The following RBM33 variants were observed in gnomAD, a reference collection of about 807,000 sequenced individuals.
RBM33 encodes RNA binding motif protein 33, also known as RNA-binding protein 33.
In RBM33, 28 loss-of-function variants were observed where a neutral mutation model predicts 132.6. That is an observed-to-expected ratio of 0.21 (90% confidence interval 0.16 to 0.29). The LOEUF is 0.29. Ranked by LOEUF, RBM33 falls within the 10% of genes least tolerant of loss-of-function variation. RBM33 has a pLI of 1.00. For missense variants in RBM33, 1,291 were observed against 1,518.5 expected, an observed-to-expected ratio of 0.85 and a Z score of 2.49; for synonymous variants, 634 against 593.0, an observed-to-expected ratio of 1.07 and a Z score of -1.01.
intron 1 of RBM33, chr7:155,645,193 G>T: frequency 2.7e-6 from 1 of 376,978 alleles, no homozygotes; most frequent in East Asian, 4.2e-5. Flanking sequence ...CATCTCTGGC[G>T]TTGGCGGGCA....
rs372960602 is a variant in RBM33 at position 155,741,955 on chromosome 7, C to T, written c.2186C>T (p.Thr729Met). The stretch of plus-strand genomic sequence containing the variant: ...ATGAGCAGCAGCCGCTGCTCTGCCA[C>T]GCCCTCAGCACAAGTGAAACCTATC... ...IEMSSSRCSA[T>M]PSAQVKPIVS... Residue 729 changes from threonine to methionine, a missense_variant, in exon 13 of 18, where the codon ACG (threonine) becomes ATG (methionine). Thr to Met is a moderately conservative substitution (Grantham distance 81, BLOSUM62 -1). Coordinates refer to ENST00000401878, the MANE Select transcript of RBM33 (RefSeq NM_053043.3). 54 of 1,613,924 alleles carry T rather than the reference C, an allele frequency of 3.3e-5. No individual in the cohort carries two copies. Among genetic ancestry groups the T allele is most frequent in the East Asian group, 4.5e-5 (2 of 44,898 alleles).
At chr7:155,675,324 G>C (rs963553887) in intron 3 of RBM33, among the ~76,000 whole-genome samples, 6 of 148,850 alleles carry the variant, frequency 4.0e-5, no homozygotes, top group African/African-American at 1.5e-4. Flanking sequence ...AAGAATTATA[G>C]ATATAAAACG....
In RBM33 at chr7:155,775,291, C is replaced by A; in HGVS notation, c.*250C>A. The A allele has an allele frequency of 1.6e-6, 1 of 614,364 alleles. No homozygotes were observed. Among genetic ancestry groups the A allele is most frequent in the Non-Finnish European group, 2.9e-6 (1 of 340,218 alleles). The allele number at this position is 614,364 out of a possible 1,614,324, so 38.1% of individuals were successfully genotyped here. The stretch of plus-strand genomic sequence containing the variant: ...TCACCACCAAGAACTCCAAGTTTTT[C>A]GTTTTGTTTTGTTTTCAAAGTGCTT... On this transcript the variant is annotated 3_prime_UTR_variant, in exon 18 of 18. Transcript: ENST00000401878.
rs1211233159 is a variant in RBM33 at position 155,644,722 on chromosome 7, C to A, written c.-155C>A. 6 of 533,874 alleles carry A rather than the reference C, an allele frequency of 1.1e-5. No individual in the cohort carries two copies. Among genetic ancestry groups the A allele is most frequent in the African/African-American group, 6.0e-5 (3 of 49,816 alleles). The allele number at this position is 533,874 out of a possible 1,614,324, so 33.1% of individuals were successfully genotyped here. On this transcript the variant is annotated 5_prime_UTR_variant, in exon 1 of 18. Coordinates refer to ENST00000401878, the MANE Select transcript of RBM33 (RefSeq NM_053043.3). ...GTTTTCTTCCTGCGGAGGCGAAGGG[C>A]CAGCTGTGGACCGCGAAGCGCCCGG...
intron 9 of RBM33, among the ~76,000 whole-genome samples, chr7:155,726,405 A>T (rs906175191): frequency 3.3e-5 from 5 of 151,674 alleles, no homozygotes; most frequent in African/African-American, 1.2e-4. Context: ...CTTGAATAGG[A>T]TTAATATAGA....
At chr7:155,727,207 AAGG>A (rs1170171787) in intron 9 of RBM33, among the ~76,000 whole-genome samples, 2 of 152,180 alleles carry the variant, frequency 1.3e-5, no homozygotes, top group Non-Finnish European at 2.9e-5. Flanking sequence ...TCCAGGCCGA[AAGG>A]AGGAGGGGCA....
chr7:155,781,023 T>C lies in RBM33; in HGVS notation c.*5982T>C, dbSNP rs2117099001. On this transcript the variant is annotated 3_prime_UTR_variant, in exon 18 of 18. Transcript: ENST00000401878. ...CTCTTGTGCTTGAGTTCAGTGTTAG[T>C]GGTAGCGTGGCTCACTCCACTTGGA... is the stretch of plus-strand genomic sequence containing the variant. 6.5e-6 allele frequency: 1 copy of C among 152,948 alleles called. No homozygotes were observed. Among genetic ancestry groups the C allele is most frequent in the South Asian group, 2.1e-4 (1 of 4,830 alleles). The allele number at this position is 152,948 out of a possible 1,614,324, so 9.5% of individuals were successfully genotyped here.
intron 7 of RBM33, among the ~76,000 whole-genome samples, chr7:155,708,678 A>C (rs1414219198): frequency 6.6e-6 from 1 of 152,212 alleles, no homozygotes; most frequent in Non-Finnish European, 1.5e-5. Flanking sequence ...CCTACTGTGT[A>C]CTAGGAGTAA....
chr7:155,686,527 C>T (rs1450916933), intron 5 of RBM33, among the ~76,000 whole-genome samples: 5 of 151,160 alleles, frequency 3.3e-5, no homozygotes, highest in Non-Finnish European at 5.9e-5. Context: ...ATGTGCATAA[C>T]GTGCGGGTTT....
intron 14 of RBM33, among the ~76,000 whole-genome samples, chr7:155,758,556 T>TC (rs1388713352): frequency 6.6e-6 from 1 of 152,168 alleles, no homozygotes; most frequent in Non-Finnish European, 1.5e-5. Flanking sequence ...TGCCTGCTGC[T>TC]CACCTCCTGC....
intron 14 of RBM33, among the ~76,000 whole-genome samples, chr7:155,752,833 C>G (rs1801727895): frequency 6.6e-6 from 1 of 152,132 alleles, no homozygotes; most frequent in African/African-American, 2.4e-5. Context: ...TGGGACGCCT[C>G]CCTGGATGGC....
chr7:155,765,707 T>G (rs1418007253), intron 15 of RBM33, among the ~76,000 whole-genome samples: 2 of 152,206 alleles, frequency 1.3e-5, no homozygotes, highest in Non-Finnish European at 1.5e-5. Flanking sequence ...GACTTTCTAA[T>G]CTGGAGAAAG....
intron 14 of RBM33, among the ~76,000 whole-genome samples, chr7:155,760,832 TTG>T (rs1186237979): frequency 1.3e-5 from 2 of 152,160 alleles, no homozygotes; most frequent in Non-Finnish European, 2.9e-5. Flanking sequence ...GTAGAAGACC[TTG>T]TGGAGAAGAT....
intron 9 of RBM33, among the ~76,000 whole-genome samples, chr7:155,723,704 A>G (rs1030448075): frequency 6.6e-6 from 1 of 152,222 alleles, no homozygotes; most frequent in Non-Finnish European, 1.5e-5. Flanking sequence ...GGCTGGGTTC[A>G]AGTCCATGCT....
chr7:155,707,450 A>G (rs1156962612), intron 7 of RBM33: 3 of 371,094 alleles, frequency 8.1e-6, no homozygotes, highest in East Asian at 7.6e-5. Flanking sequence ...TGTTTATTTT[A>G]TAAAAATATC....
At chr7:155,673,965 T>TTTTTTTTTTTTTTTTTTTTTTTTTTTTTC (rs1799102612) in intron 3 of RBM33, among the ~76,000 whole-genome samples, 1 of 130,452 alleles carries the variant, frequency 7.7e-6, no homozygotes. Flanking sequence ...TTTTTTTTTT[T>TTTTTTTTTTTTTTTTTTTTTTTTTTTTTC]TTTTTTTGAG....
Position 155,763,922 on chromosome 7 carries a change from C to G in RBM33, c.3090C>G (p.Gly1030=), listed in dbSNP as rs1185195966. ...GCAAGGTGACGCTGACCAGGGGGGG[C>G]CTCCAGCAGCCCCCACATCTGCCAG... ...PARKVTLTRG[G]LQQPPHLPAG... is the part of the protein sequence containing the mutation. The change falls in exon 15 of 18, where the codon GGC becomes GGG. Residue 1030 remains glycine, a synonymous_variant. Coordinates refer to ENST00000401878, the MANE Select transcript of RBM33 (RefSeq NM_053043.3). 1.2e-6 allele frequency: 2 copies of G among 1,605,256 alleles called. No individual in the cohort carries two copies. The highest frequency in any genetic ancestry group is 1.7e-5 in the Admixed American group (1 of 58,726).
intron 1 of RBM33, among the ~76,000 whole-genome samples, chr7:155,649,832 G>T (rs552019042): frequency 6.6e-6 from 1 of 152,292 alleles, no homozygotes; most frequent in East Asian, 1.9e-4. Flanking sequence ...AAACTCCTGT[G>T]CTTACGTTAC....
intron 8 of RBM33, among the ~76,000 whole-genome samples, chr7:155,714,956 C>T (rs1585477454): frequency 6.6e-6 from 1 of 152,072 alleles, no homozygotes; most frequent in Admixed American, 6.5e-5. Flanking sequence ...ACAGTGTCTG[C>T]GGGTCACCAC....
Sources: gnomAD v4.1 joint callset for allele counts (sites outside exome capture counted in the v4.1 genomes callset) on GRCh38, gnomAD v4.1.1 for gene constraint, MANE v1.5 for transcripts, NCBI Gene and HGNC (gene_info 2026-07-23, HGNC 2026-07-21) for gene names.